GALNT2: variants seen among roughly 807,000 people sequenced by gnomAD.
GALNT2 encodes UDP-GalNAc:polypeptide N-acetylgalactosaminyltransferase 2.
A neutral mutation model predicts 81.4 loss-of-function variants in GALNT2; 31 were observed. The ratio of observed to expected loss-of-function variants is 0.38; its 90% CI spans 0.29 to 0.51. The LOEUF (loss-of-function observed/expected upper bound fraction) is 0.51. Ranked by LOEUF, GALNT2 falls within the 20% of genes least tolerant of loss-of-function variation. The probability of loss-of-function intolerance (pLI) is 0.87; values close to 1 mark genes in which losing one functional copy is unlikely to be tolerated. For synonymous variants in GALNT2, 303 were observed against 287.4 expected, an observed-to-expected ratio of 1.05 and a Z score of -0.55; for missense variants, 629 against 765.7, an observed-to-expected ratio of 0.82 and a Z score of 2.11.
At position 230,095,147 on chromosome 1, in the gene GALNT2, C is replaced by G. The variant is rs12563322; in HGVS notation, c.126+27741C>G. Reference sequence around the variant, plus strand: ...GGGAGAGTGTCGACCCTGACCCCAACAAGCAGGGAGAGCTAGTGCAGAATG... The same window carrying G: ...GGGAGAGTGTCGACCCTGACCCCAAGAAGCAGGGAGAGCTAGTGCAGAATG... On this transcript the variant is annotated intron_variant, in intron 1 of 15. Coordinates refer to ENST00000366672, the MANE Select transcript of GALNT2 (RefSeq NM_004481.5). Among the ~76,000 whole-genome samples, 854 of 152,124 alleles carry G rather than the reference C, an allele frequency of 5.6e-3. 6 individuals are homozygous for G. The highest frequency in any genetic ancestry group is 0.018 in the African/African-American group (735 of 41,482).
chr1:230,200,208 G>A (rs1466614327), intron 2 of GALNT2, among the ~76,000 whole-genome samples: 5 of 151,944 alleles, frequency 3.3e-5, no homozygotes, highest in African/African-American at 9.6e-5. Flanking sequence ...GATTACAGGC[G>A]CCTGCCACCA....
At chr1:230,062,168 T>C (rs1659065333) in intron 1 of GALNT2, among the ~76,000 whole-genome samples, 1 of 152,248 alleles carries the variant, frequency 6.6e-6, no homozygotes, top group Non-Finnish European at 1.5e-5. Context: ...CAAAGTTTAA[T>C]GTCTTTCCAT....
At position 230,193,069 on chromosome 1, in the gene GALNT2, CAAAT is replaced by C. The variant is rs1351265780; in HGVS notation, c.221-10063_221-10060del. On this transcript the variant is annotated intron_variant, in intron 2 of 15. Coordinates refer to ENST00000366672, the MANE Select transcript of GALNT2 (RefSeq NM_004481.5). This position sits in a 1 kb window ranked among gnomAD's most constrained non-coding sequence, Gnocchi z 4.3. ...AAATTACATTCAATTTGAGATCAAC[CAAAT>C]AAATCTGAGAGCCTTGTCCTTTGAT... 1.3e-5 allele frequency among the ~76,000 whole-genome samples: 2 copies of C among 152,130 alleles called. No individual in the cohort carries two copies. Among genetic ancestry groups the C allele is most frequent in the Non-Finnish European group, 1.5e-5 (1 of 68,030 alleles).
chr1:230,168,337 G>C (rs538292453), intron 1 of GALNT2, among the ~76,000 whole-genome samples: 11 of 152,342 alleles, frequency 7.2e-5, no homozygotes, highest in Non-Finnish European at 1.0e-4. Flanking sequence ...AGCTGCATGC[G>C]AGTGGCATCC....
At position 230,274,493 on chromosome 1, in the gene GALNT2, C is replaced by G. The variant is rs149595757; in HGVS notation, c.1489C>G (p.Leu497Val). 3.3e-5 allele frequency: 54 copies of G among 1,613,834 alleles called. No individual in the cohort carries two copies. The Admixed American group carries it at 3.8e-4, about 11-fold the overall frequency. The change falls in exon 15 of 16, where the codon CTT (leucine) becomes GTT (valine). Residue 497 changes from leucine (L) to valine (V), a missense_variant. By Grantham distance (32) the Leu-to-Val change is conservative (BLOSUM62 1). Transcript: ENST00000366672. The stretch of plus-strand genomic sequence containing the variant: ...GTCGGTGAAGCACATGGATTTGTGC[C>G]TTACTGTGGTGGACCGGGCACCGGG... ...EKSVKHMDLCLTVVDRAPGSL... is the reference protein window; with the variant it reads ...EKSVKHMDLCVTVVDRAPGSL...
chr1:230,057,942 C>T, upstream of GALNT2: 1 of 443,198 alleles, frequency 2.3e-6, no homozygotes, highest in Non-Finnish European at 4.6e-6. Context: ...AGGAGGATTC[C>T]GCTGGCTCCT....
chr1:230,163,356 A>G (rs1340638650), intron 1 of GALNT2, among the ~76,000 whole-genome samples: 1 of 152,214 alleles, frequency 6.6e-6, no homozygotes, highest in Non-Finnish European at 1.5e-5. Flanking sequence ...AAAGATGAGC[A>G]GTGACTGTTC....
intron 1 of GALNT2, among the ~76,000 whole-genome samples, chr1:230,157,135 C>T (rs1013226234): frequency 3.9e-5 from 6 of 152,192 alleles, no homozygotes; most frequent in African/African-American, 1.2e-4. Flanking sequence ...GATGCCACTT[C>T]AGTTTAGATG....
At chr1:230,058,252 C>T (rs951242986) in intron 1 of GALNT2, among the ~76,000 whole-genome samples, 8 of 152,122 alleles carry the variant, frequency 5.3e-5, no homozygotes, top group South Asian at 4.2e-4. Context: ...CAGCAGAGGC[C>T]GTAGTGCTAT....
At chr1:230,138,920 T>G (rs1661640013) in intron 1 of GALNT2, among the ~76,000 whole-genome samples, 1 of 152,210 alleles carries the variant, frequency 6.6e-6, no homozygotes, top group Non-Finnish European at 1.5e-5. Flanking sequence ...AGTGGGTTCT[T>G]TATGACCTGT....
intron 2 of GALNT2, among the ~76,000 whole-genome samples, chr1:230,202,687 G>A (rs868768674): frequency 1.3e-5 from 2 of 152,160 alleles, no homozygotes; most frequent in African/African-American, 4.8e-5. Flanking sequence ...GTTATTTTTT[G>A]TATAAACATT....
intron 1 of GALNT2, among the ~76,000 whole-genome samples, chr1:230,116,713 T>C (rs1266250686): frequency 2.0e-5 from 3 of 151,986 alleles, no homozygotes; most frequent in Non-Finnish European, 2.9e-5. Flanking sequence ...GGAGTATATA[T>C]TTTTTTTCCG....
intron 1 of GALNT2, among the ~76,000 whole-genome samples, chr1:230,100,954 C>G (rs1299940698): frequency 6.6e-6 from 1 of 152,156 alleles, no homozygotes; most frequent in Non-Finnish European, 1.5e-5. Flanking sequence ...AGATTATAAT[C>G]TTGTATTTTT....
intron 3 of GALNT2, among the ~76,000 whole-genome samples, chr1:230,232,893 C>T (rs1664910133): frequency 6.6e-6 from 1 of 152,138 alleles, no homozygotes; most frequent in African/African-American, 2.4e-5. Flanking sequence ...TTCCCCCAGA[C>T]AACCGTGAAC....
At chr1:230,276,849 T>C (rs547170185) in intron 15 of GALNT2, among the ~76,000 whole-genome samples, 1 of 152,204 alleles carries the variant, frequency 6.6e-6, no homozygotes, top group East Asian at 1.9e-4. Flanking sequence ...CATTGGCCCC[T>C]CGAGAGGAAG....
chr1:230,143,320 G>T (rs6665260), intron 1 of GALNT2, among the ~76,000 whole-genome samples: 117,509 of 151,978 alleles, frequency 0.77, 45,983 homozygotes, highest in Admixed American at 0.8. Flanking sequence ...GGTGTAGTTA[G>T]TTTTTGGTAA....
chr1:230,256,969 C>G (rs1665734527), intron 11 of GALNT2, among the ~76,000 whole-genome samples: 1 of 152,182 alleles, frequency 6.6e-6, no homozygotes, highest in African/African-American at 2.4e-5. Context: ...GGAGGTCCCT[C>G]TGGGACCCCG....
chr1:230,212,933 C>G (rs1664278596), intron 3 of GALNT2, among the ~76,000 whole-genome samples: 1 of 152,058 alleles, frequency 6.6e-6, no homozygotes, highest in Admixed American at 6.6e-5. Context: ...ATTGATTTGA[C>G]TGTAGAGATT....
intron 3 of GALNT2, among the ~76,000 whole-genome samples, chr1:230,206,948 T>A (rs1572086911): frequency 6.6e-6 from 1 of 152,002 alleles, no homozygotes; most frequent in Admixed American, 6.6e-5. Context: ...CTTGACCATC[T>A]TCCCTAGGAG....
Sources: allele counts gnomAD v4.1 joint callset (sites outside exome capture counted in the v4.1 genomes callset), GRCh38; gene constraint gnomAD v4.1.1; non-coding constraint Gnocchi (gnomAD v3.1); transcripts MANE v1.5; gene names NCBI Gene and HGNC (gene_info 2026-07-23, HGNC 2026-07-21).